DACH2: variants seen among roughly 807,000 people sequenced by gnomAD.
DACH2 encodes the protein dachshund homolog 2.
DACH2 carries 17 observed loss-of-function variants against 35.8 expected under a neutral mutation model. That is an observed-to-expected ratio of 0.48 (90% CI 0.33 to 0.71). DACH2 has a LOEUF of 0.71. Among genes scored for constraint, DACH2 ranks in the 30% least tolerant of loss-of-function variants. The probability of loss-of-function intolerance (pLI) is 0.02; values close to 1 mark genes in which losing one functional copy is unlikely to be tolerated. For missense variants in DACH2, 469 were observed against 472.7 expected, an observed-to-expected ratio of 0.99 and a Z score of 0.07; for synonymous variants, 195 against 177.3, an observed-to-expected ratio of 1.10 and a Z score of -0.79.
intron 7 of DACH2, among the ~76,000 whole-genome samples, chrX:86,748,494 C>G (rs1161236894): frequency 1.8e-5 from 2 of 111,612 alleles, no homozygotes; most frequent in African/African-American, 6.5e-5. Flanking sequence ...TAACTAGATT[C>G]ATTTGCAGTG....
At chrX:86,756,845 T>C (rs1051053194) in intron 7 of DACH2, among the ~76,000 whole-genome samples, 1 of 111,738 alleles carries the variant, frequency 8.9e-6, no homozygotes, top group Non-Finnish European at 1.9e-5. Context: ...ACTTTTGCAA[T>C]CAGTATGATG....
Position 86,488,796 on chromosome X carries a change from T to G in DACH2, c.528-25483T>G, listed in dbSNP as rs140484777. On this transcript the variant is annotated intron_variant, in intron 2 of 11. Coordinates refer to ENST00000373125, the MANE Select transcript of DACH2 (RefSeq NM_053281.3). ...AACAGGGATTGAAATCATTGAGAAG[T>G]TAGCATGGAAATAACAATACATATT... 1.1e-3 allele frequency among the ~76,000 whole-genome samples: 118 copies of G among 111,544 alleles called. No individual in the cohort carries two copies. In the South Asian group the frequency reaches 0.022, roughly 20 times the overall value.
At chrX:86,663,586 G>T (rs1261878161) in intron 4 of DACH2, among the ~76,000 whole-genome samples, 1 of 111,532 alleles carries the variant, frequency 9.0e-6, no homozygotes, top group Non-Finnish European at 1.9e-5. Flanking sequence ...TAAAAGTTAG[G>T]ATCCCAGACA....
chrX:86,220,437 C>A (rs1427381581), intron 1 of DACH2, among the ~76,000 whole-genome samples: 2 of 111,438 alleles, frequency 1.8e-5, no homozygotes, highest in Non-Finnish European at 3.8e-5. Context: ...GTGAACTTTT[C>A]TGTTTTAGGT....
Position 86,816,021 on chromosome X carries a change from T to C in DACH2, c.1685-13T>C. On this transcript the variant is annotated splice_polypyrimidine_tract_variant and intron_variant, in intron 10 of 11. Coordinates refer to ENST00000373125, the MANE Select transcript of DACH2 (RefSeq NM_053281.3). ...CCTAATTGTATATTAATCTTGCATG[T>C]CATTTATTTCAGATACTGGAATTCC... 6.0e-6 allele frequency: 7 copies of C among 1,157,694 alleles called. No individual in the cohort carries two copies. The highest frequency in any genetic ancestry group is 3.2e-5 in the East Asian group (1 of 31,555).
At chrX:86,576,962 C>T (rs2039443218) in intron 3 of DACH2, among the ~76,000 whole-genome samples, 1 of 111,924 alleles carries the variant, frequency 8.9e-6, no homozygotes, top group Non-Finnish European at 1.9e-5. Context: ...ATGCTGGCAA[C>T]ATGCTTCTTG....
intron 2 of DACH2, among the ~76,000 whole-genome samples, chrX:86,511,686 C>G (rs1404619188): frequency 1.8e-5 from 2 of 111,700 alleles, no homozygotes; most frequent in Non-Finnish European, 3.8e-5. Context: ...TAATGGGTAC[C>G]TAGTGCATGT....
At position 86,615,353 on chromosome X, in the gene DACH2, C is replaced by T. The variant is rs190495877; in HGVS notation, c.641-35683C>T. On this transcript the variant is annotated intron_variant, in intron 3 of 11. Transcript: ENST00000373125. ...TATTGTTGCTCCCATTTTACATAGG[C>T]GAGAACTAAAGTTCTGACAGATAAA... 8.2e-4 allele frequency among the ~76,000 whole-genome samples: 91 copies of T among 111,519 alleles called. No homozygotes were observed. In the Middle Eastern group the frequency reaches 0.014, roughly 17 times the overall value.
chrX:86,521,126 C>A (rs2038547465), intron 3 of DACH2, among the ~76,000 whole-genome samples: 1 of 111,673 alleles, frequency 9.0e-6, no homozygotes. Flanking sequence ...ATTTGCTAAT[C>A]TGAACAGGAT....
intron 1 of DACH2, among the ~76,000 whole-genome samples, chrX:86,289,048 G>A (rs2034213532): frequency 9.1e-6 from 1 of 110,326 alleles, no homozygotes; most frequent in Non-Finnish European, 1.9e-5. Context: ...TGTAGTATCT[G>A]GGTATCACTG....
At chrX:86,480,561 G>A (rs1000690891) in intron 2 of DACH2, among the ~76,000 whole-genome samples, 1 of 111,783 alleles carries the variant, frequency 8.9e-6, no homozygotes, top group Non-Finnish European at 1.9e-5. Flanking sequence ...CTTCAGAGTG[G>A]CAAGTTCCCC....
At chrX:86,625,318 GTAT>G (rs2148382206) in intron 3 of DACH2, among the ~76,000 whole-genome samples, 1 of 108,037 alleles carries the variant, frequency 9.3e-6, no homozygotes, top group East Asian at 2.9e-4. Context: ...TAATGGAGAA[GTAT>G]TTTTCTATTA....
chrX:86,789,721 A>G (rs990762956), intron 7 of DACH2, among the ~76,000 whole-genome samples: 8 of 112,033 alleles, frequency 7.1e-5, no homozygotes, highest in Non-Finnish European at 1.3e-4. Flanking sequence ...GAAGGGAGAT[A>G]AGAAGATAAA....
intron 1 of DACH2, among the ~76,000 whole-genome samples, chrX:86,201,075 GTAAA>G (rs2032142170): frequency 9.0e-6 from 1 of 111,571 alleles, no homozygotes; most frequent in Non-Finnish European, 1.9e-5. Context: ...AGAAGATGTG[GTAAA>G]TAAATATCAT....
intron 1 of DACH2, among the ~76,000 whole-genome samples, chrX:86,212,467 A>G (rs1241687345): frequency 9.0e-6 from 1 of 111,401 alleles, no homozygotes; most frequent in Non-Finnish European, 1.9e-5. Context: ...TATAACATAT[A>G]CCTAATGTAT....
At chrX:86,383,896 A>G (rs1370835031) in intron 2 of DACH2, among the ~76,000 whole-genome samples, 1 of 110,850 alleles carries the variant, frequency 9.0e-6, no homozygotes, top group Non-Finnish European at 1.9e-5. Flanking sequence ...GTGTAGCATA[A>G]TAATGTAATG....
intron 1 of DACH2, among the ~76,000 whole-genome samples, chrX:86,232,350 A>G (rs1353571963): frequency 3.6e-5 from 4 of 112,186 alleles, no homozygotes; most frequent in African/African-American, 1.3e-4. Flanking sequence ...AAAATTGACA[A>G]ATGGAATTTA....
chrX:86,222,105 C>T (rs2032725456), intron 1 of DACH2, among the ~76,000 whole-genome samples: 1 of 112,246 alleles, frequency 8.9e-6, no homozygotes. Context: ...GTTAGGGTTT[C>T]AACATATTAA....
chrX:86,727,776 A>T (rs2041487090), intron 6 of DACH2, among the ~76,000 whole-genome samples: 1 of 112,011 alleles, frequency 8.9e-6, no homozygotes, highest in African/African-American at 3.3e-5. Flanking sequence ...TCCCCAAAGC[A>T]GATGCCAGTG....
Sources: allele counts gnomAD v4.1 joint callset (sites outside exome capture counted in the v4.1 genomes callset), GRCh38; gene constraint gnomAD v4.1.1; transcripts MANE v1.5; gene names NCBI Gene and HGNC (gene_info 2026-07-23, HGNC 2026-07-21).